The following DLC1 variants were observed in gnomAD, a reference collection of about 807,000 sequenced individuals.
DLC1 encodes rho GTPase-activating protein 7.
DLC1 carries 54 observed loss-of-function variants against 140.3 expected under a neutral mutation model. The ratio of observed to expected loss-of-function variants is 0.38; its 90% CI spans 0.31 to 0.48. The LOEUF (loss-of-function observed/expected upper bound fraction) is 0.48. DLC1 is among the 20% of genes least tolerant of loss of function. DLC1 has a pLI of 0.96. For synonymous variants in DLC1, 986 were observed against 728.1 expected (o/e 1.35, Z -5.70); for missense variants, 2,536 against 1,907.0 (o/e 1.33, Z -6.14).
intron 5 of DLC1, among the ~76,000 whole-genome samples, chr8:13,183,712 G>T (rs1826173495): frequency 6.6e-6 from 1 of 152,142 alleles, no homozygotes; most frequent in Non-Finnish European, 1.5e-5. Context: ...GCTGGATTAG[G>T]TTTGCCAGTA....
In DLC1 at chr8:13,499,038, A is replaced by G. The variant is rs753973573; in HGVS notation, c.1023+11T>C. The G allele has an allele frequency of 1.9e-6, 3 of 1,594,342 alleles. No individual in the cohort carries two copies. Among genetic ancestry groups the G allele is most frequent in the Middle Eastern group, 1.7e-4 (1 of 5,956 alleles). On this transcript the variant is annotated intron_variant, in intron 2 of 17. Transcript: ENST00000276297. ...ATTTCAAAAGCCAGAGAATCTGTGC[A>G]TATGTCTTACCTTTCTCTTACGAAG...
chr8:13,221,612 C>G (rs555423491), intron 5 of DLC1, among the ~76,000 whole-genome samples: 14 of 150,570 alleles, frequency 9.3e-5, no homozygotes, highest in African/African-American at 3.4e-4. Flanking sequence ...CTCAAGTGAT[C>G]TGCCCTCCTT....
At chr8:13,231,563 A>G (rs1829048123) in intron 5 of DLC1, among the ~76,000 whole-genome samples, 1 of 152,238 alleles carries the variant, frequency 6.6e-6, no homozygotes, top group Non-Finnish European at 1.5e-5. Flanking sequence ...ACAAGCAAAG[A>G]GTTGAACTTT....
chr8:13,245,667 A>G (rs896289066), intron 5 of DLC1, among the ~76,000 whole-genome samples: 1 of 152,076 alleles, frequency 6.6e-6, no homozygotes. Flanking sequence ...AGATAAATGC[A>G]AACTTTTAAA....
intron 2 of DLC1, among the ~76,000 whole-genome samples, chr8:13,439,667 T>A (rs575452352): frequency 1.3e-5 from 2 of 152,288 alleles, no homozygotes; most frequent in East Asian, 3.9e-4. Flanking sequence ...TCTATTACTT[T>A]GGAGATTTAG....
intron 10 of DLC1, among the ~76,000 whole-genome samples, chr8:13,096,828 T>C (rs927355032): frequency 6.6e-6 from 1 of 152,210 alleles, no homozygotes; most frequent in Non-Finnish European, 1.5e-5. Flanking sequence ...ACTAATGAAA[T>C]GGGCGGCTTC....
At chr8:13,398,461 C>G (rs565844932) in intron 3 of DLC1, among the ~76,000 whole-genome samples, 3 of 151,850 alleles carry the variant, frequency 2.0e-5, no homozygotes, top group East Asian at 3.9e-4. Context: ...GGAGCAATAG[C>G]CAATAATTAA....
chr8:13,164,429 A>G (rs959004405), intron 5 of DLC1, among the ~76,000 whole-genome samples: 1 of 152,186 alleles, frequency 6.6e-6, no homozygotes, highest in African/African-American at 2.4e-5. Context: ...TCATGGTCCA[A>G]TGTAGAATGA....
rs1029509660 is a variant in DLC1, at chr8:13,276,503, G to C, written c.1348+28766C>G. On this transcript the variant is annotated intron_variant, in intron 5 of 17. Coordinates refer to ENST00000276297, the MANE Select transcript of DLC1 (RefSeq NM_182643.3). ...CGCAGGCTGTCGCCTGCCTTCAGGA[G>C]GCCGGCATTGCGGCTGGCACTGCGG... 6 of 1,310,048 alleles carry C rather than the reference G, an allele frequency of 4.6e-6. No individual in the cohort carries two copies. In the East Asian group the frequency reaches 1.9e-4, roughly 41 times the overall value. 81.2% of individuals were successfully genotyped at this position (1,310,048 alleles called of 1,614,324 possible).
intron 2 of DLC1, among the ~76,000 whole-genome samples, chr8:13,487,466 C>A: frequency 6.6e-6 from 1 of 152,124 alleles, no homozygotes; most frequent in Non-Finnish European, 1.5e-5. Context: ...CAGCACTAAT[C>A]TTTCCCACTC....
intron 4 of DLC1, among the ~76,000 whole-genome samples, chr8:13,389,465 C>T (rs1836659015): frequency 6.6e-6 from 1 of 152,032 alleles, no homozygotes; most frequent in Non-Finnish European, 1.5e-5. Context: ...AAGAACAAAA[C>T]AATTTAGGAG....
At chr8:13,465,045 C>T (rs1799869989) in intron 2 of DLC1, among the ~76,000 whole-genome samples, 1 of 151,988 alleles carries the variant, frequency 6.6e-6, no homozygotes, top group Non-Finnish European at 1.5e-5. Context: ...TGCAATGTTA[C>T]TTTACAAAAT....
Position 13,348,013 on chromosome 8 carries a change from C to T in DLC1, c.1315-42711G>A, listed in dbSNP as rs577030475. ...TGGAGGCAGGAGAATGGCGTGAACC[C>T]GGGAGACATAGCTTGCAGTCAGCCG... On this transcript the variant is annotated intron_variant, in intron 4 of 17. Transcript: ENST00000276297. Among the ~76,000 whole-genome samples, 433 of 152,120 alleles carry T rather than the reference C, an allele frequency of 2.8e-3. 2 individuals carry two copies. The highest frequency in any genetic ancestry group is 9.7e-3 in the African/African-American group (404 of 41,506).
Position 13,406,348 on chromosome 8 carries a change from A to G in DLC1, c.1024-4729T>C, listed in dbSNP as rs139760488. ...CAGTTCTTTAAACTTTTATTTAGCA[A>G]TCATTTAAGGTATGTTTATTGACCA... On this transcript the variant is annotated intron_variant, in intron 2 of 17. Coordinates refer to ENST00000276297, the MANE Select transcript of DLC1 (RefSeq NM_182643.3). Among the ~76,000 whole-genome samples, 196 of 151,774 alleles carry G rather than the reference A, an allele frequency of 1.3e-3. 3 individuals are homozygous for G. The East Asian group carries it at 0.035, about 27-fold the overall frequency.
At chr8:13,375,127 A>T (rs1199417189) in intron 4 of DLC1, among the ~76,000 whole-genome samples, 1 of 149,496 alleles carries the variant, frequency 6.7e-6, no homozygotes, top group East Asian at 2.0e-4. Context: ...TCCCGGCTTC[A>T]CGCCATTCTC....
At chr8:13,515,394 T>A (rs536757701), upstream of DLC1, 1 of 152,250 alleles carries the variant, frequency 6.6e-6, no homozygotes, top group Admixed American at 6.5e-5. Context: ...CAGATCTCTC[T>A]GATCACAAGA....
chr8:13,504,287 A>G (rs929593834), intron 1 of DLC1, among the ~76,000 whole-genome samples: 10 of 152,110 alleles, frequency 6.6e-5, no homozygotes, highest in African/African-American at 1.9e-4. Flanking sequence ...CCACAATGCC[A>G]GGATAATTTT....
Position 13,086,152 on chromosome 8 carries a change from C to T in DLC1, c.4466+138G>A, listed in dbSNP as rs184422588. 1.6e-5 allele frequency: 22 copies of T among 1,353,492 alleles called. No individual in the cohort carries two copies. In the East Asian group the frequency reaches 4.4e-4, roughly 27 times the overall value. The allele number at this position is 1,353,492 out of a possible 1,614,324, so 83.8% of individuals were successfully genotyped here. A position where few individuals can be genotyped will look rare whatever the true frequency, so the allele number is the denominator to read the frequency against. ...CTGAAAGACCAACAAACATGAAATG[C>T]TACTTTCTAAACACCATTCTTCATG... On this transcript the variant is annotated intron_variant, in intron 17 of 17. Coordinates refer to ENST00000276297, the MANE Select transcript of DLC1 (RefSeq NM_182643.3).
chr8:13,300,900 C>G (rs917281740), intron 5 of DLC1, among the ~76,000 whole-genome samples: 1 of 152,166 alleles, frequency 6.6e-6, no homozygotes, highest in Admixed American at 6.5e-5. Context: ...TCAGGGAAAC[C>G]AGTTCTGGAT....
Sources: allele counts gnomAD v4.1 joint callset (sites outside exome capture counted in the v4.1 genomes callset), GRCh38; gene constraint gnomAD v4.1.1; transcripts MANE v1.5; gene names NCBI Gene and HGNC (gene_info 2026-07-23, HGNC 2026-07-21).